VAMP4: variants seen among roughly 807,000 people sequenced by gnomAD.
VAMP4 encodes vesicle associated membrane protein 4, also known as vesicle-associated membrane protein 4.
Under a neutral mutation model 23.5 loss-of-function variants are expected in VAMP4, and 19 were observed. That is an observed-to-expected ratio of 0.81 (90% CI 0.56 to 1.19). The LOEUF is 1.19. VAMP4 is among the 50% of genes most tolerant of loss of function. The probability of loss-of-function intolerance (pLI) is 0.00; values close to 1 mark genes in which losing one functional copy is unlikely to be tolerated. For missense variants in VAMP4, 145 were observed against 168.6 expected, an observed-to-expected ratio of 0.86 and a Z score of 0.78; for synonymous variants, 31 against 51.0, an observed-to-expected ratio of 0.61 and a Z score of 1.67.
intron 2 of VAMP4, 38 bp from the exon 3 acceptor site, chr1:171,728,608 A>C (rs1484020822): frequency 1.3e-6 from 2 of 1,542,734 alleles, no homozygotes; most frequent in African/African-American, 2.8e-5. Flanking sequence ...TTTCAGATTC[A>C]GAGGGCTTAT....
In VAMP4 at chr1:171,700,774, G is replaced by A. The variant is rs1654404516; in HGVS notation, c.*3732C>T. ...CACACATTTATCTAGCATCTGCCAA[G>A]GTTCACAGCACTGTGCTGGGTGCTG... On this transcript the variant is annotated 3_prime_UTR_variant, in exon 8 of 8. Coordinates refer to ENST00000236192, the MANE Select transcript of VAMP4 (RefSeq NM_003762.5). 1 of 152,198 alleles carries A rather than the reference G, an allele frequency of 6.6e-6. No individual in the cohort carries two copies. The highest frequency in any genetic ancestry group is 1.5e-5 in the Non-Finnish European group (1 of 68,044). The allele number at this position is 152,198 out of a possible 1,614,324, so 9.4% of individuals were successfully genotyped here. A position where few individuals can be genotyped will look rare whatever the true frequency, so the allele number is the denominator to read the frequency against.
chr1:171,728,865 T>C (rs923625514), intron 2 of VAMP4, among the ~76,000 whole-genome samples: 3 of 152,092 alleles, frequency 2.0e-5, no homozygotes, highest in East Asian at 1.9e-4. Flanking sequence ...AGGGAGCAAG[T>C]CCCCTCTCCT....
At chr1:171,730,548 G>A (rs762098124) in intron 2 of VAMP4, among the ~76,000 whole-genome samples, 8 of 152,138 alleles carry the variant, frequency 5.3e-5, no homozygotes, top group African/African-American at 1.2e-4. Context: ...ATCTTGATGA[G>A]GAGTGGAATG....
intron 3 of VAMP4, among the ~76,000 whole-genome samples, chr1:171,720,084 C>T (rs1444618611): frequency 6.6e-6 from 1 of 151,660 alleles, no homozygotes; most frequent in Non-Finnish European, 1.5e-5. Context: ...GTGAATATAT[C>T]ATCTTGCCTT....
chr1:171,711,788 G>A (rs1390211845), intron 4 of VAMP4, among the ~76,000 whole-genome samples: 1 of 152,140 alleles, frequency 6.6e-6, no homozygotes, highest in Non-Finnish European at 1.5e-5. Flanking sequence ...TGTTTAAAGT[G>A]CATTGGATTA....
chr1:171,739,918 G>A (rs561990228), intron 1 of VAMP4, among the ~76,000 whole-genome samples: 1 of 151,366 alleles, frequency 6.6e-6, no homozygotes, highest in Non-Finnish European at 1.5e-5. Flanking sequence ...ATTTTTTTTT[G>A]CGAAAAAGTT....
chr1:171,719,144 T>G (rs778861407), intron 4 of VAMP4, 27 bp downstream of exon 4: 1 of 1,602,690 alleles, frequency 6.2e-7, no homozygotes, highest in Non-Finnish European at 8.5e-7. Flanking sequence ...AATATGATTA[T>G]CATTTAAACA....
chr1:171,726,064 T>TGG (rs201172561), intron 3 of VAMP4, among the ~76,000 whole-genome samples: 1 of 151,582 alleles, frequency 6.6e-6, no homozygotes, highest in African/African-American at 2.4e-5. Flanking sequence ...ACATTTTTTT[T>TGG]TGGGGGGGGC....
At chr1:171,706,337 C>A in intron 7 of VAMP4, 30 bp downstream of exon 7, 1 of 1,585,968 alleles carries the variant, frequency 6.3e-7, no homozygotes, top group South Asian at 1.2e-5. Flanking sequence ...AAATGATACC[C>A]TAGGAAGTAA....
chr1:171,704,609 AT>A (rs3835498), intron 7 of VAMP4, 75 bp from the exon 8 acceptor site: 220,715 of 1,171,906 alleles, frequency 0.19, 21,667 homozygotes, highest in Middle Eastern at 0.27. Context: ...ATATTCCTAA[AT>A]GTAGTTGTGT....
At chr1:171,709,814 G>A (rs1654790741) in intron 5 of VAMP4, 70 bp from the exon 6 acceptor site, 2 of 1,221,228 alleles carry the variant, frequency 1.6e-6, no homozygotes, top group Non-Finnish European at 2.4e-6. Flanking sequence ...GTCACACAAA[G>A]ATAAGAAAAT....
At position 171,702,269 on chromosome 1, in the gene VAMP4, A is replaced by G. The variant is rs551424961; in HGVS notation, c.*2237T>C. ...GGATTAATCAAGACCAAGAAAGATG[A>G]AATGATGAATTACAAACCAAGCCAT... On this transcript the variant is annotated 3_prime_UTR_variant, in exon 8 of 8. Transcript: ENST00000236192. 1 of 152,202 alleles carries G rather than the reference A, an allele frequency of 6.6e-6. No individual in the cohort carries two copies. Among genetic ancestry groups the G allele is most frequent in the African/African-American group, 2.4e-5 (1 of 41,578 alleles). The allele number at this position is 152,202 out of a possible 1,614,324, so 9.4% of individuals were successfully genotyped here.
chr1:171,723,227 C>T (rs1655255440), intron 3 of VAMP4, among the ~76,000 whole-genome samples: 1 of 152,164 alleles, frequency 6.6e-6, no homozygotes, highest in Non-Finnish European at 1.5e-5. Context: ...GATCACACGA[C>T]TGGGGCAAAA....
chr1:171,741,843 G>C (rs560642197), intron 1 of VAMP4, 67 bp downstream of exon 1: 1 of 152,226 alleles, frequency 6.6e-6, no homozygotes, highest in South Asian at 2.1e-4. Flanking sequence ...GCAAGGCAGG[G>C]GCGTCTTCTT....
At chr1:171,738,261 C>T (rs552814629) in intron 2 of VAMP4, 88 bp downstream of exon 2, 19 of 1,492,900 alleles carry the variant, frequency 1.3e-5, no homozygotes, top group Admixed American at 5.6e-5. Context: ...AGCAACCACG[C>T]CCGGATGGTT....
At chr1:171,719,292 A>G in intron 3 of VAMP4, 71 bp from the exon 4 acceptor site, 1 of 1,321,578 alleles carries the variant, frequency 7.6e-7, no homozygotes. Context: ...AAAGATAGAA[A>G]GTATACACAA....
chr1:171,702,344 C>G lies in VAMP4; in HGVS notation c.*2162G>C, dbSNP rs992257962. 3.3e-5 allele frequency: 5 copies of G among 151,842 alleles called. No homozygotes were observed. Among genetic ancestry groups the G allele is most frequent in the African/African-American group, 1.2e-4 (5 of 41,370 alleles). 9.4% of individuals were successfully genotyped at this position (151,842 alleles called of 1,614,324 possible). ...ATAATTCTGTTACCCATATCCCAGG[C>G]AGCAATATGTTTAAATTACAAAGAC... is the stretch of plus-strand genomic sequence containing the variant. On this transcript the variant is annotated 3_prime_UTR_variant, in exon 8 of 8. Transcript: ENST00000236192.
chr1:171,710,635 G>A (rs2124841374), intron 5 of VAMP4, 79 bp downstream of exon 5: 1 of 1,105,348 alleles, frequency 9.0e-7, no homozygotes, highest in Non-Finnish European at 1.3e-6. Flanking sequence ...GCCAAGATTT[G>A]TAAACGTTGG....
chr1:171,731,425 TA>T (rs200377599), intron 2 of VAMP4, among the ~76,000 whole-genome samples: 26,246 of 151,420 alleles, frequency 0.17, 2,368 homozygotes, highest in Middle Eastern at 0.24. Flanking sequence ...ATAATAATAA[TA>T]AAAAAAACAG....
Sources: allele counts gnomAD v4.1 joint callset (sites outside exome capture counted in the v4.1 genomes callset), GRCh38; gene constraint gnomAD v4.1.1; transcripts MANE v1.5; gene names NCBI Gene and HGNC (gene_info 2026-07-23, HGNC 2026-07-21).